The following GRID1 variants were observed in gnomAD, a reference collection of about 807,000 sequenced individuals.
GRID1 encodes the protein glutamate receptor ionotropic, delta-1.
In GRID1, 28 loss-of-function variants were observed where a neutral mutation model predicts 98.0. The ratio of observed to expected loss-of-function variants is 0.29; its 90% CI spans 0.21 to 0.39. GRID1 has a LOEUF of 0.39. Among genes scored for constraint, GRID1 ranks in the 10% least tolerant of loss-of-function variants. GRID1 has a pLI of 1.00. For missense variants in GRID1, 1,111 were observed against 1,340.5 expected (o/e 0.83, Z 2.67); for synonymous variants, 553 against 538.5 (o/e 1.03, Z -0.37).
intron 2 of GRID1, among the ~76,000 whole-genome samples, chr10:86,248,511 T>C (rs545576231): frequency 1.3e-5 from 2 of 150,424 alleles, no homozygotes; most frequent in South Asian, 2.1e-4. Flanking sequence ...GTTGGATAAA[T>C]CCCAATCTCT....
chr10:85,741,513 T>C (rs1032865289), intron 8 of GRID1, among the ~76,000 whole-genome samples: 5 of 152,100 alleles, frequency 3.3e-5, no homozygotes, highest in Non-Finnish European at 4.4e-5. Flanking sequence ...CAGAAGAACA[T>C]AGGCACAGTA....
chr10:86,131,887 C>T (rs903252757), intron 4 of GRID1, among the ~76,000 whole-genome samples: 1 of 152,142 alleles, frequency 6.6e-6, no homozygotes, highest in Non-Finnish European at 1.5e-5. Context: ...CACCCTCCAT[C>T]TGTTTACCAA....
intron 2 of GRID1, among the ~76,000 whole-genome samples, chr10:86,319,787 TG>T (rs112535867): frequency 2.6e-5 from 4 of 152,370 alleles, no homozygotes; most frequent in African/African-American, 7.2e-5. Flanking sequence ...GAGGATCTGC[TG>T]TCCAGGGTGC....
intron 5 of GRID1, among the ~76,000 whole-genome samples, chr10:85,877,194 A>G (rs1843342832): frequency 6.6e-6 from 1 of 152,196 alleles, no homozygotes; most frequent in South Asian, 2.1e-4. Context: ...CAGACAAACA[A>G]AAACACAGCA....
At chr10:85,802,668 T>C (rs1264257144) in intron 8 of GRID1, among the ~76,000 whole-genome samples, 1 of 151,958 alleles carries the variant, frequency 6.6e-6, no homozygotes, top group African/African-American at 2.4e-5. Context: ...GAGGAACTGG[T>C]ACTAGCACTT....
intron 2 of GRID1, among the ~76,000 whole-genome samples, chr10:86,308,065 C>G (rs1019048842): frequency 3.3e-5 from 5 of 152,168 alleles, no homozygotes; most frequent in Non-Finnish European, 7.4e-5. Flanking sequence ...ATCCCCTCCC[C>G]CAAGGACCAC....
intron 4 of GRID1, among the ~76,000 whole-genome samples, chr10:85,930,349 C>T (rs1051531390): frequency 6.6e-6 from 1 of 150,498 alleles, no homozygotes; most frequent in Admixed American, 6.6e-5. Context: ...TTATTTATAA[C>T]TACAAAATTG....
chr10:85,742,577 A>G (rs181811403), intron 8 of GRID1, among the ~76,000 whole-genome samples: 8 of 152,168 alleles, frequency 5.3e-5, no homozygotes, highest in Admixed American at 5.2e-4. Flanking sequence ...TATCTCTCCA[A>G]CTAGAAGTGA....
chr10:85,821,635 A>T (rs981059937), intron 8 of GRID1, among the ~76,000 whole-genome samples: 5 of 151,874 alleles, frequency 3.3e-5, no homozygotes, highest in African/African-American at 1.2e-4. Context: ...GATCCAAATA[A>T]TTGTTTATCT....
intron 3 of GRID1, among the ~76,000 whole-genome samples, chr10:86,170,531 C>G (rs939105811): frequency 3.9e-5 from 6 of 152,258 alleles, no homozygotes; most frequent in Non-Finnish European, 8.8e-5. Context: ...CTTCTCCCTG[C>G]TGGGCCTGCC....
chr10:85,768,997 A>G (rs745650825), intron 8 of GRID1, among the ~76,000 whole-genome samples: 16 of 152,322 alleles, frequency 1.1e-4, no homozygotes, highest in South Asian at 1.0e-3. Context: ...ATGTCCATCA[A>G]TTGGGTGTTG....
Position 86,206,461 on chromosome 10 carries a change from C to G in GRID1, c.423G>C (p.Leu141=), listed in dbSNP as rs754940206. 2 of 1,614,238 alleles carry G rather than the reference C, an allele frequency of 1.2e-6. No homozygotes were observed. The highest frequency in any genetic ancestry group is 2.7e-5 in the African/African-American group (2 of 75,064). ...NPSPDGEAYT[L]ASRPPVRLND... ...TGAGGCGGACGGGTGGTCTCGAAGCCAGTGTGTAGGCCTCACCATCGGGGC... is the reference window on the plus strand; with the variant it reads ...TGAGGCGGACGGGTGGTCTCGAAGCGAGTGTGTAGGCCTCACCATCGGGGC... Residue 141 remains leucine (L), a synonymous_variant, in exon 3 of 16, where the codon CTG becomes CTC. Coordinates refer to ENST00000327946, the MANE Select transcript of GRID1 (RefSeq NM_017551.3). This position sits in a 1 kb window ranked among gnomAD's most constrained non-coding sequence, Gnocchi z 4.1.
At chr10:86,044,295 C>T (rs1843388498) in intron 4 of GRID1, among the ~76,000 whole-genome samples, 1 of 152,296 alleles carries the variant, frequency 6.6e-6, no homozygotes, top group East Asian at 1.9e-4. Context: ...TGCTTCGTTT[C>T]CCTACTTGCT....
At chr10:86,288,731 T>A (rs1032628399) in intron 2 of GRID1, among the ~76,000 whole-genome samples, 3 of 150,928 alleles carry the variant, frequency 2.0e-5, no homozygotes, top group Non-Finnish European at 4.5e-5. Context: ...CCAGATAATG[T>A]CAATCTGACA....
intron 8 of GRID1, among the ~76,000 whole-genome samples, chr10:85,799,577 G>A (rs1348612530): frequency 6.6e-6 from 1 of 151,966 alleles, no homozygotes; most frequent in Non-Finnish European, 1.5e-5. Flanking sequence ...CAACAAAATG[G>A]ATGAACCTAG....
intron 4 of GRID1, among the ~76,000 whole-genome samples, chr10:86,066,695 T>C (rs1377644938): frequency 1.3e-5 from 2 of 152,184 alleles, no homozygotes; most frequent in African/African-American, 4.8e-5. Flanking sequence ...ATAACTCAGT[T>C]AACAGCCTCT....
intron 8 of GRID1, among the ~76,000 whole-genome samples, chr10:85,779,845 A>G (rs1391032513): frequency 6.6e-6 from 1 of 152,206 alleles, no homozygotes; most frequent in Admixed American, 6.5e-5. Flanking sequence ...CATGGAAATG[A>G]TGGGTGCTTT....
chr10:86,266,841 G>A (rs1024290366), intron 2 of GRID1, among the ~76,000 whole-genome samples: 1 of 152,170 alleles, frequency 6.6e-6, no homozygotes, highest in Admixed American at 6.5e-5. Flanking sequence ...ACTTCCTGCC[G>A]GGCTATAGGA....
intron 8 of GRID1, among the ~76,000 whole-genome samples, chr10:85,818,439 A>G (rs73330556): frequency 5.3e-5 from 8 of 152,338 alleles, no homozygotes; most frequent in African/African-American, 1.9e-4. Flanking sequence ...TAAAAGGTCC[A>G]AGAAGCAGTG....
Sources: allele counts gnomAD v4.1 joint callset (sites outside exome capture counted in the v4.1 genomes callset), GRCh38; gene constraint gnomAD v4.1.1; non-coding constraint Gnocchi (gnomAD v3.1); transcripts MANE v1.5; gene names NCBI Gene and HGNC (gene_info 2026-07-23, HGNC 2026-07-21).